Variants in ZFPM2 observed in about 807,000 individuals in gnomAD.
ZFPM2 encodes the protein zinc finger protein, FOG family member 2.
A neutral mutation model predicts 98.6 loss-of-function variants in ZFPM2; 20 were observed. That is an observed-to-expected ratio of 0.20 (90% confidence interval 0.14 to 0.29). ZFPM2 has a LOEUF of 0.29. Among genes scored for constraint, ZFPM2 ranks in the 10% least tolerant of loss-of-function variants. ZFPM2 has a pLI of 1.00. For synonymous variants in ZFPM2, 518 were observed against 502.7 expected, an observed-to-expected ratio of 1.03 and a Z score of -0.41; for missense variants, 1,310 against 1,388.6, an observed-to-expected ratio of 0.94 and a Z score of 0.90.
chr8:105,529,444 A>G (rs1041671455), intron 3 of ZFPM2, among the ~76,000 whole-genome samples: 1 of 152,148 alleles, frequency 6.6e-6, no homozygotes, highest in Non-Finnish European at 1.5e-5. Context: ...TAAGTACTAT[A>G]TATTCCTGAG....
chr8:105,525,593 A>C (rs59756787), intron 3 of ZFPM2, among the ~76,000 whole-genome samples: 21,257 of 152,166 alleles, frequency 0.14, 1,620 homozygotes, highest in Non-Finnish European at 0.18. Flanking sequence ...TTGTGCAACT[A>C]AATTTTCAAA....
chr8:105,711,791 GCTT>G (rs1213947070), intron 5 of ZFPM2, among the ~76,000 whole-genome samples: 1 of 151,956 alleles, frequency 6.6e-6, no homozygotes, highest in Non-Finnish European at 1.5e-5. Flanking sequence ...TTTTCATAAA[GCTT>G]CTCCTAACCA....
At chr8:105,458,724 T>G (rs1253198388) in intron 3 of ZFPM2, among the ~76,000 whole-genome samples, 1 of 152,090 alleles carries the variant, frequency 6.6e-6, no homozygotes, top group Non-Finnish European at 1.5e-5. Flanking sequence ...TAAAACCAAT[T>G]AAAAGAAAAG....
intron 4 of ZFPM2, 94 bp downstream of exon 4, chr8:105,561,575 A>G: frequency 2.4e-5 from 24 of 997,312 alleles, no homozygotes; most frequent in Non-Finnish European, 2.9e-5. Flanking sequence ...TTCCAATGAA[A>G]TCACTAAAAA....
chr8:105,684,610 A>G (rs1810689465), intron 5 of ZFPM2, among the ~76,000 whole-genome samples: 1 of 152,122 alleles, frequency 6.6e-6, no homozygotes, highest in Non-Finnish European at 1.5e-5. Flanking sequence ...TCCAAACAAA[A>G]CACGGTTAGT....
intron 1 of ZFPM2, among the ~76,000 whole-genome samples, chr8:105,356,879 G>A (rs1268948584): frequency 2.6e-5 from 4 of 152,002 alleles, no homozygotes; most frequent in African/African-American, 7.3e-5. Context: ...CATCCTGCTT[G>A]TAATTTTGCC....
intron 5 of ZFPM2, among the ~76,000 whole-genome samples, chr8:105,730,783 T>C (rs1322089043): frequency 4.5e-4 from 26 of 58,140 alleles, no homozygotes; most frequent in Middle Eastern, 8.1e-3. Context: ...TTTCTTTTTT[T>C]TTTTTTTTTT....
chr8:105,632,740 G>A (rs1816776672), intron 4 of ZFPM2, among the ~76,000 whole-genome samples: 2 of 152,094 alleles, frequency 1.3e-5, no homozygotes, highest in African/African-American at 4.8e-5. Context: ...AAGGCTTTTA[G>A]AGAACTGCTT....
At chr8:105,745,187 A>G (rs1371316346) in intron 5 of ZFPM2, among the ~76,000 whole-genome samples, 3 of 152,104 alleles carry the variant, frequency 2.0e-5, no homozygotes, top group Non-Finnish European at 2.9e-5. Context: ...CAGAAGCTAT[A>G]TTGTATCATC....
intron 1 of ZFPM2, among the ~76,000 whole-genome samples, chr8:105,333,335 A>G (rs1812268300): frequency 6.6e-6 from 1 of 151,770 alleles, no homozygotes; most frequent in Non-Finnish European, 1.5e-5. Context: ...TAGACAACAC[A>G]TGCAAAAATG....
intron 4 of ZFPM2, among the ~76,000 whole-genome samples, chr8:105,587,388 G>T (rs1815746161): frequency 6.6e-6 from 1 of 151,694 alleles, no homozygotes; most frequent in East Asian, 1.9e-4. Flanking sequence ...ATAAACGACT[G>T]CTTCTGGTAT....
At chr8:105,559,107 A>G (rs550428790) in intron 3 of ZFPM2, among the ~76,000 whole-genome samples, 12 of 152,252 alleles carry the variant, frequency 7.9e-5, no homozygotes, top group African/African-American at 1.9e-4. Flanking sequence ...GGGTGTTTCT[A>G]TAAAGGGTCT....
intron 4 of ZFPM2, among the ~76,000 whole-genome samples, chr8:105,595,740 T>C (rs557343266): frequency 6.6e-6 from 1 of 152,202 alleles, no homozygotes; most frequent in Admixed American, 6.5e-5. Flanking sequence ...TAGAGAACAT[T>C]AAATATCGTG....
intron 3 of ZFPM2, among the ~76,000 whole-genome samples, chr8:105,486,886 G>A (rs1214117417): frequency 6.6e-6 from 1 of 152,138 alleles, no homozygotes; most frequent in Non-Finnish European, 1.5e-5. Context: ...TGGATGCTTA[G>A]CAAGGTTGTG....
chr8:105,623,719 C>T (rs1249105452), intron 4 of ZFPM2, among the ~76,000 whole-genome samples: 1 of 152,036 alleles, frequency 6.6e-6, no homozygotes, highest in Non-Finnish European at 1.5e-5. Flanking sequence ...TTCTGAAATA[C>T]AGACTGTTGA....
intron 3 of ZFPM2, among the ~76,000 whole-genome samples, chr8:105,456,309 G>A (rs1464384562): frequency 1.3e-5 from 2 of 151,848 alleles, no homozygotes; most frequent in Non-Finnish European, 2.9e-5. Flanking sequence ...AGCTCTGGTG[G>A]CAGAAACCAG....
chr8:105,565,342 C>T (rs1171574369), intron 4 of ZFPM2, among the ~76,000 whole-genome samples: 1 of 152,112 alleles, frequency 6.6e-6, no homozygotes, highest in Non-Finnish European at 1.5e-5. Context: ...CTTTTGTCCA[C>T]ACCTTATTAT....
At chr8:105,484,012 G>C (rs1384401706) in intron 3 of ZFPM2, among the ~76,000 whole-genome samples, 2 of 151,958 alleles carry the variant, frequency 1.3e-5, no homozygotes, top group African/African-American at 4.8e-5. Context: ...GGGATTACAG[G>C]TGTGAGCCAC....
At chr8:105,445,966 G>T (rs1417807508) in intron 3 of ZFPM2, among the ~76,000 whole-genome samples, 1 of 148,444 alleles carries the variant, frequency 6.7e-6, no homozygotes, top group Admixed American at 6.7e-5. Context: ...TGTCACCCAG[G>T]CTGGAGTGCA....
Sources: allele counts gnomAD v4.1 joint callset (sites outside exome capture counted in the v4.1 genomes callset), GRCh38; gene constraint gnomAD v4.1.1; transcripts MANE v1.5; gene names NCBI Gene and HGNC (gene_info 2026-07-23, HGNC 2026-07-21).